Variants in SKAP1 observed in about 807,000 individuals in gnomAD.
SKAP1 encodes the protein src kinase associated phosphoprotein 1.
Under a neutral mutation model 58.5 loss-of-function variants are expected in SKAP1, and 44 were observed. The ratio of observed to expected loss-of-function variants is 0.75; its 90% CI spans 0.59 to 0.97. The LOEUF (loss-of-function observed/expected upper bound fraction) is 0.97, where lower values mean the gene tolerates loss of function less well. Among genes scored for constraint, SKAP1 ranks in the 50% least tolerant of loss-of-function variants. The probability of loss-of-function intolerance (pLI) is 0.00; values close to 1 mark genes in which losing one functional copy is unlikely to be tolerated. For missense variants in SKAP1, 390 were observed against 435.2 expected (o/e 0.90, Z 0.92); for synonymous variants, 127 against 149.7 (o/e 0.85, Z 1.11).
At chr17:48,203,893 T>G (rs2064760382) in intron 4 of SKAP1, 1 of 152,140 alleles carries the variant, frequency 6.6e-6, no homozygotes, top group South Asian at 2.1e-4. Context: ...AACAGTAACA[T>G]GATAATAGTA....
At chr17:48,171,548 C>A (rs1487807676) in intron 9 of SKAP1, among the ~76,000 whole-genome samples, 5 of 152,142 alleles carry the variant, frequency 3.3e-5, no homozygotes, top group African/African-American at 1.2e-4. Context: ...AAGCAATAAA[C>A]AAGACTGTCA....
intron 4 of SKAP1, among the ~76,000 whole-genome samples, chr17:48,222,895 C>T (rs1174492231): frequency 6.6e-6 from 1 of 150,656 alleles, no homozygotes; most frequent in Non-Finnish European, 1.5e-5. Context: ...GAAACCCCAT[C>T]TCTACTAAAA....
the SKAP1 span, among the ~76,000 whole-genome samples, chr17:48,440,173 C>G: frequency 6.6e-6 from 1 of 152,214 alleles, no homozygotes; most frequent in African/African-American, 2.4e-5. Flanking sequence ...GAATGCAGGC[C>G]ATGACCTCTG....
At chr17:48,397,336 C>T (rs1463645679) in intron 1 of SKAP1, among the ~76,000 whole-genome samples, 10 of 152,182 alleles carry the variant, frequency 6.6e-5, no homozygotes, top group Admixed American at 6.5e-4. Flanking sequence ...AGTGATTCTC[C>T]TGCTTCAGCC....
the SKAP1 span, among the ~76,000 whole-genome samples, chr17:48,444,614 G>A: frequency 4.2e-4 from 64 of 152,282 alleles, no homozygotes; most frequent in Admixed American, 1.4e-3. Flanking sequence ...TAAAGCTGTG[G>A]TTGCCAAGGC....
chr17:48,355,342 A>G (rs1598606505), intron 3 of SKAP1, among the ~76,000 whole-genome samples: 1 of 152,250 alleles, frequency 6.6e-6, no homozygotes, highest in East Asian at 1.9e-4. Flanking sequence ...CAGTGGTGCA[A>G]TTGCAGCTCC....
At chr17:48,176,575 A>G (rs1453031421) in intron 9 of SKAP1, among the ~76,000 whole-genome samples, 1 of 152,164 alleles carries the variant, frequency 6.6e-6, no homozygotes, top group East Asian at 1.9e-4. Flanking sequence ...AAAAAAATCA[A>G]GGGCCCACAT....
intron 2 of SKAP1, among the ~76,000 whole-genome samples, chr17:48,380,908 C>A (rs919041737): frequency 2.7e-4 from 41 of 152,258 alleles, no homozygotes; most frequent in African/African-American, 9.6e-4. Flanking sequence ...AAAGTTGAAG[C>A]ATATATCCAT....
intron 4 of SKAP1, among the ~76,000 whole-genome samples, chr17:48,305,455 G>C (rs893017793): frequency 6.6e-6 from 1 of 152,318 alleles, no homozygotes; most frequent in South Asian, 2.1e-4. Flanking sequence ...TCTTGAGACT[G>C]TATGGACCAC....
At chr17:48,164,021 C>G (rs1001865314) in intron 10 of SKAP1, among the ~76,000 whole-genome samples, 1 of 152,066 alleles carries the variant, frequency 6.6e-6, no homozygotes, top group Non-Finnish European at 1.5e-5. Context: ...GGGCAGCAAA[C>G]AAGATAACTA....
chr17:48,348,391 G>A (rs138098145), intron 3 of SKAP1, among the ~76,000 whole-genome samples: 5 of 149,872 alleles, frequency 3.3e-5, no homozygotes, highest in Non-Finnish European at 7.4e-5. Flanking sequence ...AAAAGTACAT[G>A]CTCACATTCT....
At chr17:48,331,813 A>T (rs902241586) in intron 4 of SKAP1, among the ~76,000 whole-genome samples, 2 of 152,188 alleles carry the variant, frequency 1.3e-5, no homozygotes, top group African/African-American at 4.8e-5. Context: ...CTTTTTTAGT[A>T]ATAAGCTAGT....
At chr17:48,282,656 C>T (rs2065781728) in intron 4 of SKAP1, among the ~76,000 whole-genome samples, 2 of 152,032 alleles carry the variant, frequency 1.3e-5, no homozygotes, top group African/African-American at 4.8e-5. Flanking sequence ...CGCCTGTAGT[C>T]TCAGCTACTT....
chr17:48,265,501 A>AAAGCAAGCAAGC (rs201049578), intron 4 of SKAP1, among the ~76,000 whole-genome samples: 1 of 148,324 alleles, frequency 6.7e-6, no homozygotes, highest in Non-Finnish European at 1.5e-5. Context: ...AAAAAAAAAA[A>AAAGCAAGCAAGC]AAGCAAGCAA....
intron 10 of SKAP1, among the ~76,000 whole-genome samples, chr17:48,162,977 C>A (rs951115287): frequency 6.6e-6 from 1 of 152,144 alleles, no homozygotes; most frequent in South Asian, 2.1e-4. Flanking sequence ...AAATCTGTGA[C>A]TTCTGCCTAT....
intron 1 of SKAP1, among the ~76,000 whole-genome samples, chr17:48,416,832 C>T (rs762077306): frequency 6.6e-6 from 1 of 152,110 alleles, no homozygotes; most frequent in African/African-American, 2.4e-5. Flanking sequence ...GTTATCAGAC[C>T]ATTAGGATTT....
At chr17:48,182,159 C>T (rs1299062639) in intron 8 of SKAP1, among the ~76,000 whole-genome samples, 1 of 152,058 alleles carries the variant, frequency 6.6e-6, no homozygotes, top group Non-Finnish European at 1.5e-5. Context: ...TACAGACTTG[C>T]CTGTAGGTAG....
chr17:48,269,723 A>C (rs2065602596), intron 4 of SKAP1, among the ~76,000 whole-genome samples: 1 of 152,194 alleles, frequency 6.6e-6, no homozygotes, highest in South Asian at 2.1e-4. Context: ...AAGCTGCACT[A>C]AGTTAAAGAG....
chr17:48,199,820 T>C (rs1029678944), intron 4 of SKAP1, among the ~76,000 whole-genome samples: 37 of 151,990 alleles, frequency 2.4e-4, no homozygotes, highest in African/African-American at 8.7e-4. Flanking sequence ...CTTGCAGTCA[T>C]AGGAAAAGAG....
Sources: gnomAD v4.1 joint callset for allele counts (sites outside exome capture counted in the v4.1 genomes callset) on GRCh38, gnomAD v4.1.1 for gene constraint, MANE v1.5 for transcripts, NCBI Gene and HGNC (gene_info 2026-07-23, HGNC 2026-07-21) for gene names.